The following TFG variants were observed in gnomAD, a reference collection of about 807,000 sequenced individuals.
TFG encodes trafficking from ER to golgi regulator, also known as protein TFG.
In TFG, 22 loss-of-function variants were observed where a neutral mutation model predicts 51.4. That is an observed-to-expected ratio of 0.43 (90% confidence interval 0.31 to 0.61). TFG has a LOEUF of 0.61. Ranked by LOEUF, TFG falls within the 20% of genes least tolerant of loss-of-function variation. The probability of loss-of-function intolerance (pLI) is 0.12; values close to 1 mark genes in which losing one functional copy is unlikely to be tolerated. For missense variants in TFG, 419 were observed against 487.7 expected (o/e 0.86, Z 1.33); for synonymous variants, 187 against 165.6 (o/e 1.13, Z -0.99).
chr3:100,737,165 C>T (rs75759315), intron 6 of TFG, among the ~76,000 whole-genome samples: 5 of 151,930 alleles, frequency 3.3e-5, no homozygotes, highest in Non-Finnish European at 7.4e-5. Context: ...AGATTAGTAG[C>T]CTTTTATAAT....
chr3:100,722,611 G>T (rs2095063949), intron 3 of TFG, among the ~76,000 whole-genome samples: 1 of 152,172 alleles, frequency 6.6e-6, no homozygotes, highest in Admixed American at 6.5e-5. Context: ...TTAAGACAGA[G>T]AGATTACCTT....
At chr3:100,717,689 ATTG>A (rs2095050150) in intron 2 of TFG, among the ~76,000 whole-genome samples, 1 of 131,414 alleles carries the variant, frequency 7.6e-6, no homozygotes, top group Non-Finnish European at 1.6e-5. Context: ...TTTATTTTTT[ATTG>A]TATGTGTATA....
chr3:100,720,113 T>A (rs2149066566), intron 3 of TFG, 55 bp downstream of exon 3: 5 of 1,186,058 alleles, frequency 4.2e-6, no homozygotes, highest in Non-Finnish European at 5.9e-6. Flanking sequence ...ATTTTAAAGA[T>A]GTTTGGCTTT....
intron 2 of TFG, 55 bp from the exon 3 acceptor site, chr3:100,719,920 C>G: frequency 1.7e-6 from 2 of 1,171,552 alleles, no homozygotes; most frequent in East Asian, 2.5e-5. Flanking sequence ...ACTGCTTATA[C>G]AAATCTGAAA....
intron 2 of TFG, among the ~76,000 whole-genome samples, chr3:100,715,983 A>G (rs115518854): frequency 0.016 from 2,391 of 152,174 alleles, 56 homozygotes; most frequent in African/African-American, 0.056. Context: ...TATGGGGTAC[A>G]TAGTAATGTT....
intron 6 of TFG, among the ~76,000 whole-genome samples, chr3:100,737,552 C>T (rs1298776638): frequency 6.6e-6 from 1 of 152,172 alleles, no homozygotes; most frequent in Non-Finnish European, 1.5e-5. Context: ...GTGTTGGGAC[C>T]TTTAAAGCCG....
chr3:100,721,278 A>G (rs2095060089), intron 3 of TFG, among the ~76,000 whole-genome samples: 1 of 152,084 alleles, frequency 6.6e-6, no homozygotes, highest in African/African-American at 2.4e-5. Context: ...TATCCAGGGA[A>G]CAAAAAAGTA....
At position 100,740,049 on chromosome 3, in the gene TFG, A is replaced by G. The variant is rs143855434; in HGVS notation, c.721+3333A>G. 2.6e-5 allele frequency among the ~76,000 whole-genome samples: 4 copies of G among 152,198 alleles called. No homozygotes were observed. The East Asian group carries it at 7.7e-4, about 29-fold the overall frequency. ...ACTTGTTCAAATGAGGGGCCTAACA[A>G]GGTTCACACTTTGCATTGTTAATGT... On this transcript the variant is annotated intron_variant, in intron 6 of 7. Coordinates refer to ENST00000240851, the MANE Select transcript of TFG (RefSeq NM_006070.6).
intron 3 of TFG, among the ~76,000 whole-genome samples, chr3:100,727,388 G>A (rs991086833): frequency 6.6e-6 from 1 of 151,152 alleles, no homozygotes; most frequent in South Asian, 2.1e-4. Flanking sequence ...TCTTCTAAAA[G>A]CTTATAATTG....
At chr3:100,723,261 G>A (rs1398799589) in intron 3 of TFG, among the ~76,000 whole-genome samples, 1 of 152,086 alleles carries the variant, frequency 6.6e-6, no homozygotes, top group Non-Finnish European at 1.5e-5. Context: ...TACATATGCA[G>A]AAGTATGCAT....
chr3:100,728,398 T>A (rs894293893), intron 3 of TFG, among the ~76,000 whole-genome samples: 1 of 151,890 alleles, frequency 6.6e-6, no homozygotes, highest in Non-Finnish European at 1.5e-5. Context: ...AGTGAGCTTT[T>A]GAAGTTATGA....
chr3:100,730,127 CA>C (rs965298830), intron 4 of TFG, among the ~76,000 whole-genome samples: 1 of 152,136 alleles, frequency 6.6e-6, no homozygotes, highest in Non-Finnish European at 1.5e-5. Context: ...GATGCTGACA[CA>C]ACATTTGCAT....
rs1553699558 is a variant in TFG at position 100,713,902 on chromosome 3, C to CCTT, written c.184+33_184+34insCTT. 685 of 850,174 alleles carry CCTT rather than the reference C, an allele frequency of 8.1e-4. 5 individuals are homozygous for CCTT. In the African/African-American group the frequency reaches 0.011, roughly 14 times the overall value. The allele number at this position is 850,174 out of a possible 1,614,324, so 52.7% of individuals were successfully genotyped here. A position where few individuals can be genotyped will look rare whatever the true frequency, so the allele number is the denominator to read the frequency against. On this transcript the variant is annotated intron_variant, in intron 2 of 7. Coordinates refer to ENST00000240851, the MANE Select transcript of TFG (RefSeq NM_006070.6). Reference sequence around the variant, plus strand: ...TGTTTTTAAAGCTATTTTTTAAAGTCTTTTTAAAAAAAAAAAAAAAAAGAC... The same window carrying CCTT: ...TGTTTTTAAAGCTATTTTTTAAAGTCCTTTTTTTAAAAAAAAAAAAAAAAAGAC...
intron 3 of TFG, among the ~76,000 whole-genome samples, chr3:100,726,450 A>G (rs1487637143): frequency 6.6e-6 from 1 of 152,226 alleles, no homozygotes; most frequent in African/African-American, 2.4e-5. Context: ...TTTACCAGCC[A>G]TCTAGGCATT....
chr3:100,740,377 G>A (rs1430692073), intron 6 of TFG, among the ~76,000 whole-genome samples: 2 of 152,118 alleles, frequency 1.3e-5, no homozygotes, highest in Non-Finnish European at 2.9e-5. Flanking sequence ...TTACCATTTG[G>A]ACTTCTCCAT....
chr3:100,746,615 A>G (rs2095135605), intron 7 of TFG, among the ~76,000 whole-genome samples: 1 of 151,470 alleles, frequency 6.6e-6, no homozygotes, highest in South Asian at 2.1e-4. Context: ...GAGACTATAT[A>G]TATACACACA....
At chr3:100,709,819 G>C (rs1182356721) in intron 1 of TFG, 98 bp downstream of exon 1, 1 of 146,738 alleles carries the variant, frequency 6.8e-6, no homozygotes, top group Non-Finnish European at 1.5e-5. Context: ...CGCGGCAGCT[G>C]GGGTCGGAGG....
chr3:100,714,020 C>A, intron 2 of TFG, 151 bp downstream of exon 2: 1 of 441,766 alleles, frequency 2.3e-6, no homozygotes, highest in Middle Eastern at 6.1e-4. Flanking sequence ...GCCTCGGCCT[C>A]CCAAAGTGCT....
chr3:100,732,714 A>G, intron 5 of TFG, 42 bp downstream of exon 5: 1 of 1,478,210 alleles, frequency 6.8e-7, no homozygotes. Context: ...CGTTTCCTTC[A>G]TCTTTCCGTT....
Sources: allele counts gnomAD v4.1 joint callset (sites outside exome capture counted in the v4.1 genomes callset), GRCh38; gene constraint gnomAD v4.1.1; transcripts MANE v1.5; gene names NCBI Gene and HGNC (gene_info 2026-07-23, HGNC 2026-07-21).